The following TMEM132D variants were observed in gnomAD, a reference collection of about 807,000 sequenced individuals.
TMEM132D encodes mature OL transmembrane protein.
A neutral mutation model predicts 62.3 loss-of-function variants in TMEM132D; 21 were observed. The ratio of observed to expected loss-of-function variants is 0.34; its 90% confidence interval spans 0.24 to 0.49. The LOEUF (loss-of-function observed/expected upper bound fraction) is 0.49. Ranked by LOEUF, TMEM132D falls within the 20% of genes least tolerant of loss-of-function variation. The pLI is 0.99. For missense variants in TMEM132D, 1,346 were observed against 1,402.8 expected, an observed-to-expected ratio of 0.96 and a Z score of 0.65; for synonymous variants, 621 against 575.6, an observed-to-expected ratio of 1.08 and a Z score of -1.13.
chr12:129,268,681 G>A (rs1880763966), intron 4 of TMEM132D, among the ~76,000 whole-genome samples: 1 of 152,086 alleles, frequency 6.6e-6, no homozygotes, highest in Non-Finnish European at 1.5e-5. Context: ...TATACCCAAA[G>A]GATTATAAAC....
chr12:129,154,752 C>A lies in TMEM132D; in HGVS notation c.1443+54768G>T, dbSNP rs140680548. ...ATCTTTTTTATTTTTTAAATTAGAA[C>A]TTTCTGACTCCTTAGAGATGGCAGC... On this transcript the variant is annotated intron_variant, in intron 5 of 8. Transcript: ENST00000422113. Among the ~76,000 whole-genome samples the A allele has an allele frequency of 2.2e-3, 329 of 152,208 alleles. 1 individual carries two copies. Among genetic ancestry groups the A allele is most frequent in the African/African-American group, 7.5e-3 (312 of 41,542 alleles).
intron 3 of TMEM132D, among the ~76,000 whole-genome samples, chr12:129,455,029 G>T (rs564179917): frequency 6.6e-6 from 1 of 152,324 alleles, no homozygotes; most frequent in South Asian, 2.1e-4. Flanking sequence ...ACCACATGTG[G>T]TACTTCTGCA....
chr12:129,543,406 A>ATAGC (rs1029029353), intron 2 of TMEM132D, among the ~76,000 whole-genome samples: 1 of 151,972 alleles, frequency 6.6e-6, no homozygotes, highest in Non-Finnish European at 1.5e-5. Flanking sequence ...GGATGGATGG[A>ATAGC]TAGACAGATA....
rs1874121302 is a variant in TMEM132D at position 129,072,973 on chromosome 12, G to A, written c.*902C>T. 1 of 152,180 alleles carries A rather than the reference G, an allele frequency of 6.6e-6. No homozygotes were observed. The allele number at this position is 152,180 out of a possible 1,614,324, so 9.4% of individuals were successfully genotyped here. A position where few individuals can be genotyped will look rare whatever the true frequency, so the allele number is the denominator to read the frequency against. On this transcript the variant is annotated 3_prime_UTR_variant, in exon 9 of 9. Transcript: ENST00000422113. Reference sequence around the variant, plus strand: ...CACTTGGGAGTTGACACAAAACCCAGGGGGAGAAAAAAGACCCAGCAAATA... The same window carrying A: ...CACTTGGGAGTTGACACAAAACCCAAGGGGAGAAAAAAGACCCAGCAAATA...
chr12:129,336,355 A>G (rs1869270606), intron 4 of TMEM132D, among the ~76,000 whole-genome samples: 1 of 152,126 alleles, frequency 6.6e-6, no homozygotes, highest in Non-Finnish European at 1.5e-5. Context: ...AGGTGGGTGG[A>G]TCACGAGGTC....
chr12:129,524,059 C>T (rs1483348488), intron 3 of TMEM132D, among the ~76,000 whole-genome samples: 1 of 151,658 alleles, frequency 6.6e-6, no homozygotes, highest in Non-Finnish European at 1.5e-5. Context: ...GGAAGGGGAA[C>T]ATCACACACC....
At chr12:129,341,495 C>A (rs942802673) in intron 3 of TMEM132D, among the ~76,000 whole-genome samples, 7 of 152,156 alleles carry the variant, frequency 4.6e-5, no homozygotes, top group African/African-American at 1.4e-4. Context: ...GTGTTCAAAC[C>A]AGAGCGACTC....
At chr12:129,112,390 G>A (rs1021843277) in intron 5 of TMEM132D, among the ~76,000 whole-genome samples, 7 of 152,178 alleles carry the variant, frequency 4.6e-5, no homozygotes, top group Admixed American at 2.0e-4. Context: ...GGCCGGGCAC[G>A]GTGGCTCACG....
chr12:129,113,747 A>G (rs1419352540), intron 5 of TMEM132D, among the ~76,000 whole-genome samples: 1 of 151,340 alleles, frequency 6.6e-6, no homozygotes, highest in Admixed American at 6.6e-5. Flanking sequence ...GATAAGAGTC[A>G]TCTCCTTCTC....
chr12:129,197,740 C>A (rs1878588032), intron 5 of TMEM132D, among the ~76,000 whole-genome samples: 2 of 152,160 alleles, frequency 1.3e-5, no homozygotes, highest in Non-Finnish European at 2.9e-5. Context: ...CAATAATTTC[C>A]TGGACTTGAC....
At chr12:129,355,136 T>C (rs1869998647) in intron 3 of TMEM132D, among the ~76,000 whole-genome samples, 1 of 152,200 alleles carries the variant, frequency 6.6e-6, no homozygotes, top group African/African-American at 2.4e-5. Context: ...GAAACTACCA[T>C]ATTAGACAGG....
intron 1 of TMEM132D, among the ~76,000 whole-genome samples, chr12:129,789,136 G>A (rs1871326811): frequency 6.6e-6 from 1 of 152,102 alleles, no homozygotes; most frequent in Non-Finnish European, 1.5e-5. Context: ...CTTTAGCGGT[G>A]ATTTCTGAGA....
chr12:129,456,102 C>A (rs935577015), intron 3 of TMEM132D, among the ~76,000 whole-genome samples: 2 of 152,100 alleles, frequency 1.3e-5, no homozygotes, highest in Non-Finnish European at 2.9e-5. Context: ...TAAAACAAAA[C>A]CTTTGAAGTA....
intron 3 of TMEM132D, among the ~76,000 whole-genome samples, chr12:129,469,257 T>C (rs1378628771): frequency 1.3e-5 from 2 of 152,168 alleles, no homozygotes; most frequent in African/African-American, 4.8e-5. Flanking sequence ...GTGTCTTCCA[T>C]TTTTGGTTTT....
intron 5 of TMEM132D, among the ~76,000 whole-genome samples, chr12:129,116,546 C>A (rs1011334434): frequency 2.6e-5 from 4 of 151,950 alleles, no homozygotes; most frequent in Admixed American, 6.5e-5. Flanking sequence ...TAAAACTCAA[C>A]AATAAGATAA....
chr12:129,475,190 A>G (rs191622321), intron 3 of TMEM132D, among the ~76,000 whole-genome samples: 21 of 152,340 alleles, frequency 1.4e-4, no homozygotes, highest in Middle Eastern at 3.4e-3. Context: ...AGTGACATGG[A>G]AATTGAGGCA....
At chr12:129,796,495 G>A (rs1369527888) in intron 1 of TMEM132D, among the ~76,000 whole-genome samples, 3 of 152,104 alleles carry the variant, frequency 2.0e-5, no homozygotes, top group Admixed American at 6.5e-5. Flanking sequence ...GCAAACTCCT[G>A]TCACACAGGT....
chr12:129,100,614 T>C (rs1483901866), intron 5 of TMEM132D, among the ~76,000 whole-genome samples: 1 of 152,218 alleles, frequency 6.6e-6, no homozygotes, highest in Admixed American at 6.5e-5. Context: ...CCAGCAATGC[T>C]TGACATATAA....
chr12:129,742,164 CATT>C (rs1206140696), intron 1 of TMEM132D, among the ~76,000 whole-genome samples: 2 of 152,162 alleles, frequency 1.3e-5, no homozygotes, highest in Non-Finnish European at 2.9e-5. Context: ...ACAGTTCTAA[CATT>C]AGCCATCTGT....
Sources: allele counts gnomAD v4.1 joint callset (sites outside exome capture counted in the v4.1 genomes callset), GRCh38; gene constraint gnomAD v4.1.1; transcripts MANE v1.5; gene names NCBI Gene and HGNC (gene_info 2026-07-23, HGNC 2026-07-21).